MTRR: variants seen among roughly 807,000 people sequenced by gnomAD.
The protein encoded by MTRR is methionine synthase reductase.
In MTRR, 63 loss-of-function variants were observed where a neutral mutation model predicts 79.2. The ratio of observed to expected loss-of-function variants is 0.80; its 90% CI spans 0.65 to 0.98. The LOEUF (loss-of-function observed/expected upper bound fraction) is 0.98, where lower values mean the gene tolerates loss of function less well. Ranked by LOEUF, MTRR falls within the 50% of genes least tolerant of loss-of-function variation. The pLI is 0.00. For synonymous variants in MTRR, 355 were observed against 313.3 expected (o/e 1.13, Z -1.41); for missense variants, 895 against 839.6 (o/e 1.07, Z -0.82).
chr5:7,857,554 CTT>C (rs1207891578), intron 1 of MTRR, among the ~76,000 whole-genome samples: 1 of 152,208 alleles, frequency 6.6e-6, no homozygotes, highest in East Asian at 1.9e-4. Context: ...ACCCTGCTCT[CTT>C]CCTTCTAAAA....
intron 1 of MTRR, among the ~76,000 whole-genome samples, chr5:7,855,140 A>G (rs1397075371): frequency 6.6e-6 from 1 of 152,208 alleles, no homozygotes; most frequent in Non-Finnish European, 1.5e-5. Context: ...TAGAGACATA[A>G]GAGACTTCAG....
intron 4 of MTRR, among the ~76,000 whole-genome samples, chr5:7,876,872 TCTC>T (rs1207620597): frequency 5.9e-5 from 9 of 152,346 alleles, no homozygotes; most frequent in African/African-American, 7.2e-5. Context: ...GAACGTTAGT[TCTC>T]CTCCTGGTTG....
chr5:7,887,828 A>ATATATG (rs1736866266), intron 8 of MTRR, among the ~76,000 whole-genome samples: 1 of 23,214 alleles, frequency 4.3e-5, no homozygotes, highest in East Asian at 6.1e-4. Context: ...ATATATATAT[A>ATATATG]TATGGGTTTT....
chr5:7,869,438 C>A, intron 1 of MTRR: 1 of 570,142 alleles, frequency 1.8e-6, no homozygotes, highest in Non-Finnish European at 3.1e-6. Flanking sequence ...TCGGCGTCGG[C>A]CTCTGCCGCG....
chr5:7,890,570 TA>T (rs1027961458), intron 9 of MTRR, among the ~76,000 whole-genome samples: 91 of 152,316 alleles, frequency 6.0e-4, no homozygotes, highest in South Asian at 1.2e-3. Flanking sequence ...TTGGGACTTA[TA>T]AAAAATTATA....
At chr5:7,862,939 AG>A in intron 2 of MTRR, 1 of 1,614,104 alleles carries the variant, frequency 6.2e-7, no homozygotes. Context: ...AGGGGTCTCC[AG>A]GGAACAGCAT....
chr5:7,891,408 G>A lies in MTRR; in HGVS notation c.1364G>A (p.Cys455Tyr), dbSNP rs764469824. 1.9e-6 allele frequency: 3 copies of A among 1,606,468 alleles called. No individual in the cohort carries two copies. The highest frequency in any genetic ancestry group is 2.6e-6 in the Non-Finnish European group (3 of 1,176,296). ...LPKLQPRPYS[C>Y]ASSSLFHPGK... ...AAACTTCAACCCAGACCATATTCGT[G>A]TGCAAGGTACTACTATTTATTCACG... Residue 455 changes from cysteine to tyrosine, a missense_variant, in exon 10 of 15, where the codon TGT becomes TAT. Cys to Tyr is a radical substitution (Grantham distance 194). Coordinates refer to ENST00000440940, the MANE Select transcript of MTRR (RefSeq NM_002454.3).
intron 5 of MTRR, among the ~76,000 whole-genome samples, chr5:7,880,271 T>C (rs1579678410): frequency 6.6e-6 from 1 of 152,236 alleles, no homozygotes; most frequent in African/African-American, 2.4e-5. Context: ...CAGACTCTTA[T>C]AACAGCAGGC....
rs1192463697 is a variant in MTRR, at chr5:7,900,576, T to A, written c.*518T>A. On this transcript the variant is annotated 3_prime_UTR_variant, in exon 15 of 15. Coordinates refer to ENST00000440940, the MANE Select transcript of MTRR (RefSeq NM_002454.3). ...TGTTTATGTAACTATCAAATGGTTA[T>A]TTGTTACTAAAGCTATATTTCTGAT... is the stretch of plus-strand genomic sequence containing the variant. The A allele has an allele frequency of 6.5e-6, 1 of 153,684 alleles. No individual in the cohort carries two copies. Among genetic ancestry groups the A allele is most frequent in the Non-Finnish European group, 1.5e-5 (1 of 68,930 alleles). The allele number at this position is 153,684 out of a possible 1,614,324, so 9.5% of individuals were successfully genotyped here. A position where few individuals can be genotyped will look rare whatever the true frequency, so the allele number is the denominator to read the frequency against.
rs758222318 is a variant in MTRR, at chr5:7,869,214, G to A, written c.-27G>A. Reference sequence around the variant, plus strand: ...GGTTCGTGCCCGGCTGGCGCGGCGTGGGTAAGCTGCCTGTCGGCTACGGTT... The same window carrying A: ...GGTTCGTGCCCGGCTGGCGCGGCGTAGGTAAGCTGCCTGTCGGCTACGGTT... On this transcript the variant is annotated splice_region_variant and 5_prime_UTR_variant, in exon 1 of 15. Transcript: ENST00000440940. 1 of 1,606,510 alleles carries A rather than the reference G, an allele frequency of 6.2e-7. No individual in the cohort carries two copies. Among genetic ancestry groups the A allele is most frequent in the East Asian group, 2.2e-5 (1 of 44,862 alleles).
Position 7,858,925 on chromosome 5 carries a change from A to T in MTRR, n.392-3026A>T, listed in dbSNP as rs557094912. Reference sequence around the variant, plus strand: ...TGCTTTTCCATTTCTCTAAATATTTATTAAAAAAAAGTTTCCATACTAATA... The same window carrying T: ...TGCTTTTCCATTTCTCTAAATATTTTTTAAAAAAAAGTTTCCATACTAATA... On this transcript the variant is annotated intron_variant and non_coding_transcript_variant, in intron 1 of 3. Coordinates refer to the MTRR transcript ENST00000502509. Among the ~76,000 whole-genome samples, 63 of 152,266 alleles carry T rather than the reference A, an allele frequency of 4.1e-4. 1 individual carries two copies. Among genetic ancestry groups the T allele is most frequent in the Non-Finnish European group, 7.2e-4 (49 of 68,012 alleles).
chr5:7,869,121 C>G, upstream of MTRR: 1 of 1,613,564 alleles, frequency 6.2e-7, no homozygotes, highest in Non-Finnish European at 8.5e-7. Context: ...TCTATTGGTC[C>G]TGGGTACCGA....
At chr5:7,859,456 A>G (rs1324671234) in intron 1 of MTRR, 1 of 1,604,356 alleles carries the variant, frequency 6.2e-7, no homozygotes, top group African/African-American at 1.3e-5. Context: ...ACCAATGAAC[A>G]GTGTTTTGAG....
At chr5:7,854,218 A>G (rs964670644) in intron 1 of MTRR, among the ~76,000 whole-genome samples, 1 of 152,102 alleles carries the variant, frequency 6.6e-6, no homozygotes, top group Non-Finnish European at 1.5e-5. Flanking sequence ...AAAGAAGCAT[A>G]AAAACCCTCC....
intron 1 of MTRR, among the ~76,000 whole-genome samples, chr5:7,852,078 A>C (rs1746093352): frequency 6.6e-6 from 1 of 152,180 alleles, no homozygotes; most frequent in African/African-American, 2.4e-5. Context: ...GAATGGCAGC[A>C]GGAAGTGGGG....
intron 9 of MTRR, 78 bp from the exon 10 acceptor site, chr5:7,891,294 T>A: frequency 1.4e-6 from 1 of 738,218 alleles, no homozygotes; most frequent in Non-Finnish European, 2.1e-6. Context: ...ATGGAATTTT[T>A]TTTTTTTTTT....
At chr5:7,861,833 A>C in intron 1 of MTRR, 1 of 1,281,162 alleles carries the variant, frequency 7.8e-7, no homozygotes, top group Non-Finnish European at 1.0e-6. Context: ...TGGCTTTATG[A>C]TCAATCAAGT....
chr5:7,851,154 A>G, upstream of MTRR: 2 of 1,119,652 alleles, frequency 1.8e-6, no homozygotes, highest in Non-Finnish European at 1.1e-6. Flanking sequence ...GTTGCCTGGA[A>G]ACCGCCGCCT....
rs1045156142 is a variant in MTRR at position 7,853,061 on chromosome 5, A to T, written n.391+1476A>T. Among the ~76,000 whole-genome samples, 3 of 152,136 alleles carry T rather than the reference A, an allele frequency of 2.0e-5. No individual in the cohort carries two copies. In the East Asian group the frequency reaches 5.8e-4, roughly 29 times the overall value. On this transcript the variant is annotated intron_variant and non_coding_transcript_variant, in intron 1 of 3. Transcript: ENST00000502509. ...AGCTCTTGAGGGCAAGGCTACCTAC[A>T]TCTTTTTCTTCTTGGATGGAGATAT...
Sources: allele counts gnomAD v4.1 joint callset (sites outside exome capture counted in the v4.1 genomes callset), GRCh38; gene constraint gnomAD v4.1.1; transcripts MANE v1.5; gene names NCBI Gene and HGNC (gene_info 2026-07-23, HGNC 2026-07-21).